Variants in LINGO2 observed in about 807,000 individuals in gnomAD.
LINGO2 encodes the protein leucine-rich repeat and immunoglobulin-like domain-containing nogo receptor-interacting protein 2.
A neutral mutation model predicts 30.6 loss-of-function variants in LINGO2; 14 were observed. The ratio of observed to expected loss-of-function variants is 0.46; its 90% CI spans 0.30 to 0.72. The LOEUF (loss-of-function observed/expected upper bound fraction) is 0.72. Ranked by LOEUF, LINGO2 falls within the 30% of genes least tolerant of loss-of-function variation. LINGO2 has a pLI of 0.07. For missense variants in LINGO2, 729 were observed against 751.7 expected (o/e 0.97, Z 0.35); for synonymous variants, 317 against 288.5 (o/e 1.10, Z -1.00).
At chr9:28,097,710 A>T (rs1259067526) in intron 4 of LINGO2, among the ~76,000 whole-genome samples, 26 of 147,944 alleles carry the variant, frequency 1.8e-4, no homozygotes, top group Admixed American at 1.3e-3. Flanking sequence ...GGGGAGGGAT[A>T]GCATTAGGAG....
At chr9:29,208,360 C>A in the LINGO2 span, among the ~76,000 whole-genome samples, 2 of 152,046 alleles carry the variant, frequency 1.3e-5, no homozygotes, top group South Asian at 2.1e-4. Context: ...AAGAACAGCA[C>A]AAATGCCCAA....
chr9:28,491,194 G>T, intron 1 of LINGO2, among the ~76,000 whole-genome samples: 1 of 152,164 alleles, frequency 6.6e-6, no homozygotes, highest in East Asian at 1.9e-4. Context: ...GTCTTATGGA[G>T]CTAAAATCAA....
chr9:28,447,383 G>A lies in LINGO2; in HGVS notation c.-279+28557C>T, dbSNP rs543903739. Among the ~76,000 whole-genome samples, 3 of 152,284 alleles carry A rather than the reference G, an allele frequency of 2.0e-5. No homozygotes were observed. The East Asian group carries it at 5.8e-4, about 29-fold the overall frequency. Reference sequence around the variant, plus strand: ...CCACCATGTGAGGACACAACTAGAAGGTACCATGTGCGAACCAGAAGAGTG... The same window carrying A: ...CCACCATGTGAGGACACAACTAGAAAGTACCATGTGCGAACCAGAAGAGTG... On this transcript the variant is annotated intron_variant, in intron 2 of 5. Transcript: ENST00000379992.
At chr9:28,141,532 T>C (rs1827671975) in intron 4 of LINGO2, among the ~76,000 whole-genome samples, 1 of 152,234 alleles carries the variant, frequency 6.6e-6, no homozygotes, top group South Asian at 2.1e-4. Flanking sequence ...TGTATTGATT[T>C]TTATTACTAA....
chr9:28,291,902 C>A (rs1823743265), intron 4 of LINGO2, among the ~76,000 whole-genome samples: 1 of 152,126 alleles, frequency 6.6e-6, no homozygotes, highest in Admixed American at 6.5e-5. Context: ...GGCAAGTCAT[C>A]AGCAAACTGC....
chr9:28,846,716 T>A, the LINGO2 span, among the ~76,000 whole-genome samples: 3 of 147,468 alleles, frequency 2.0e-5, 1 homozygote, highest in African/African-American at 7.7e-5. Flanking sequence ...CTGGGCCCAA[T>A]CTTCTTCCCT....
chr9:27,950,352 A>G (rs201675314), exon 6 of LINGO2: 1 of 1,614,208 alleles, frequency 6.2e-7, no homozygotes, highest in East Asian at 2.2e-5. Flanking sequence ...GAGGGAACGC[A>G]GGTTAAAGAG....
intron 4 of LINGO2, among the ~76,000 whole-genome samples, chr9:28,057,760 C>T (rs1236498454): frequency 6.6e-6 from 1 of 151,800 alleles, no homozygotes; most frequent in Non-Finnish European, 1.5e-5. Context: ...GCTTTTTAAG[C>T]ATATTAACTC....
At chr9:29,152,978 T>G in the LINGO2 span, among the ~76,000 whole-genome samples, 1 of 152,086 alleles carries the variant, frequency 6.6e-6, no homozygotes, top group Non-Finnish European at 1.5e-5. Flanking sequence ...ATACAAGTTA[T>G]TTTCCCTTTA....
chr9:28,816,368 A>G, the LINGO2 span, among the ~76,000 whole-genome samples: 313 of 152,358 alleles, frequency 2.1e-3, no homozygotes, highest in African/African-American at 6.9e-3. Flanking sequence ...AAATTCATTT[A>G]TCATCACTCA....
chr9:28,830,598 A>G, the LINGO2 span, among the ~76,000 whole-genome samples: 4 of 152,140 alleles, frequency 2.6e-5, no homozygotes, highest in South Asian at 2.1e-4. Flanking sequence ...AGAGAACCCA[A>G]CTCCCTAAAA....
the LINGO2 span, among the ~76,000 whole-genome samples, chr9:29,143,614 A>C: frequency 6.6e-6 from 1 of 152,292 alleles, no homozygotes; most frequent in Non-Finnish European, 1.5e-5. Flanking sequence ...TGCAAACAAA[A>C]GAATGAAAGC....
At chr9:28,071,194 G>T (rs1037359752) in intron 4 of LINGO2, among the ~76,000 whole-genome samples, 2 of 152,142 alleles carry the variant, frequency 1.3e-5, no homozygotes, top group Non-Finnish European at 2.9e-5. Context: ...ACTGCTATTG[G>T]TGCCTTGGGG....
At chr9:28,062,089 C>T (rs1040437141) in intron 4 of LINGO2, among the ~76,000 whole-genome samples, 22 of 151,970 alleles carry the variant, frequency 1.4e-4, no homozygotes, top group Admixed American at 1.2e-3. Flanking sequence ...TGATTAGGTC[C>T]AGATATTTCA....
chr9:29,207,450 C>T, the LINGO2 span, among the ~76,000 whole-genome samples: 32 of 152,048 alleles, frequency 2.1e-4, no homozygotes, highest in South Asian at 6.2e-3. Flanking sequence ...CCTCTTATGT[C>T]GTCCAATTTA....
the LINGO2 span, among the ~76,000 whole-genome samples, chr9:28,780,401 G>A: frequency 1.3e-5 from 2 of 152,038 alleles, no homozygotes; most frequent in Admixed American, 6.6e-5. Context: ...AGGTTTACAG[G>A]AATCTATATT....
upstream of LINGO2, among the ~76,000 whole-genome samples, chr9:28,673,611 G>A (rs1280110528): frequency 1.3e-5 from 2 of 151,910 alleles, no homozygotes; most frequent in Non-Finnish European, 2.9e-5. Flanking sequence ...AAGTTGCAGT[G>A]AGCCAAGATC....
chr9:28,602,252 TG>T (rs1825517024), intron 1 of LINGO2, among the ~76,000 whole-genome samples: 1 of 152,008 alleles, frequency 6.6e-6, no homozygotes, highest in Non-Finnish European at 1.5e-5. Context: ...CTTGGGGCCA[TG>T]GGGAGGTTGG....
chr9:28,528,826 GTT>G (rs1821124147), intron 1 of LINGO2, among the ~76,000 whole-genome samples: 1 of 151,794 alleles, frequency 6.6e-6, no homozygotes, highest in African/African-American at 2.4e-5. Flanking sequence ...ATATGTATGT[GTT>G]TGTGTATATA....
Sources: gnomAD v4.1 joint callset for allele counts (sites outside exome capture counted in the v4.1 genomes callset) on GRCh38, gnomAD v4.1.1 for gene constraint, MANE v1.5 for transcripts, NCBI Gene and HGNC (gene_info 2026-07-23, HGNC 2026-07-21) for gene names.